ALMS1: variants seen among roughly 807,000 people sequenced by gnomAD.
ALMS1 encodes centrosome-associated protein ALMS1.
A neutral mutation model predicts 352.2 loss-of-function variants in ALMS1; 271 were observed. The observed-to-expected ratio is 0.77, with a 90% CI of 0.70 to 0.85. The LOEUF (loss-of-function observed/expected upper bound fraction) is 0.85, where lower values mean the gene tolerates loss of function less well. ALMS1 is among the 40% of genes least tolerant of loss of function. ALMS1 has a pLI of 0.00. For synonymous variants in ALMS1, 1,865 were observed against 1,761.2 expected (o/e 1.06, Z -1.48); for missense variants, 5,445 against 4,870.7 (o/e 1.12, Z -3.51).
At chr2:73,607,321 AT>A (rs1675837855) in intron 21 of ALMS1, among the ~76,000 whole-genome samples, 1 of 152,226 alleles carries the variant, frequency 6.6e-6, no homozygotes, top group Non-Finnish European at 1.5e-5. Context: ...ATTATACTTC[AT>A]AATCTATTTA....
At chr2:73,565,709 C>T (rs1012219883) in intron 15 of ALMS1, among the ~76,000 whole-genome samples, 1 of 152,144 alleles carries the variant, frequency 6.6e-6, no homozygotes, top group Non-Finnish European at 1.5e-5. Context: ...ATAGTATGTA[C>T]CCTTAATATG....
At position 73,496,769 on chromosome 2, in the gene ALMS1, T is replaced by C. The variant is rs542791526; in HGVS notation, c.9539+5271T>C. 5.9e-5 allele frequency among the ~76,000 whole-genome samples: 9 copies of C among 152,310 alleles called. No individual in the cohort carries two copies. In the East Asian group the frequency reaches 1.5e-3, roughly 26 times the overall value. The stretch of plus-strand genomic sequence containing the variant: ...TAAATTGTCAATATATTTTAGCCAT[T>C]TTTATAGTTGTACAGTGGTATCTCA... On this transcript the variant is annotated intron_variant, in intron 10 of 22. Coordinates refer to ENST00000613296, the MANE Select transcript of ALMS1 (RefSeq NM_001378454.1).
chr2:73,463,150 A>G (rs1672245387), intron 9 of ALMS1, among the ~76,000 whole-genome samples: 1 of 152,222 alleles, frequency 6.6e-6, no homozygotes, highest in South Asian at 2.1e-4. Flanking sequence ...TCAACAGAAC[A>G]TACATTTTTC....
intron 16 of ALMS1, among the ~76,000 whole-genome samples, chr2:73,574,903 C>G (rs1675020840): frequency 6.6e-6 from 1 of 152,118 alleles, no homozygotes; most frequent in Non-Finnish European, 1.5e-5. Flanking sequence ...AAACCCTGTA[C>G]CCATTAAGCA....
At chr2:73,445,698 T>C (rs567546235) in intron 7 of ALMS1, among the ~76,000 whole-genome samples, 1 of 152,212 alleles carries the variant, frequency 6.6e-6, no homozygotes, top group South Asian at 2.1e-4. Flanking sequence ...AGTTCTTGAG[T>C]AAATTGTACC....
intron 10 of ALMS1, among the ~76,000 whole-genome samples, chr2:73,510,077 A>T (rs6708766): frequency 0.32 from 48,605 of 151,930 alleles, 9,919 homozygotes; most frequent in African/African-American, 0.59. Flanking sequence ...CAGGTCATTT[A>T]TGTTCATCTC....
chr2:73,486,992 C>T (rs1672862428), intron 9 of ALMS1, among the ~76,000 whole-genome samples: 1 of 152,138 alleles, frequency 6.6e-6, no homozygotes. Context: ...GAGGTCGTGG[C>T]TTCAGTGATA....
intron 10 of ALMS1, among the ~76,000 whole-genome samples, chr2:73,504,734 T>C (rs1673285429): frequency 6.6e-6 from 1 of 151,316 alleles, no homozygotes; most frequent in African/African-American, 2.5e-5. Context: ...AACATTCATG[T>C]ACTTTTTTTT....
chr2:73,487,729 G>A (rs555269353), intron 9 of ALMS1, among the ~76,000 whole-genome samples: 5 of 152,210 alleles, frequency 3.3e-5, no homozygotes. Context: ...AAGATGGAGA[G>A]GAGTTTCATC....
At chr2:73,481,174 T>C (rs964477837) in intron 9 of ALMS1, among the ~76,000 whole-genome samples, 2 of 152,242 alleles carry the variant, frequency 1.3e-5, no homozygotes, top group African/African-American at 2.4e-5. Flanking sequence ...TGAATGGTAA[T>C]GCCTAGGTTT....
At chr2:73,566,254 G>A (rs1005147047) in intron 15 of ALMS1, among the ~76,000 whole-genome samples, 7 of 152,306 alleles carry the variant, frequency 4.6e-5, no homozygotes, top group African/African-American at 1.7e-4. Context: ...ACACTTTACA[G>A]CTTCTCTTTG....
In ALMS1 at chr2:73,451,415, C is replaced by T. The variant is rs974309886; in HGVS notation, c.4888C>T (p.Gln1630Ter). The change falls in exon 8 of 23, where the codon CAG becomes TAG. Residue 1630 changes from glutamine (Q) to a stop codon, truncating the protein, a stop_gained. Coordinates refer to ENST00000613296, the MANE Select transcript of ALMS1 (RefSeq NM_001378454.1). LOFTEE classifies it high-confidence loss of function. ...LGEKPITFYRQALLDSPLNKE... is the reference protein window; with the variant it reads ...LGEKPITFYR ...AGAGAAGCCCATTACTTTCTACCGG[C>T]AGGCTCTGCTAGACAGTCCTCTAAA... 2 of 1,613,962 alleles carry T rather than the reference C, an allele frequency of 1.2e-6. No individual in the cohort carries two copies. The highest frequency in any genetic ancestry group is 1.3e-5 in the African/African-American group (1 of 74,978).
In ALMS1 at chr2:73,462,588, C is replaced by T. The variant is rs569944562; in HGVS notation, c.7674+7293C>T. Among the ~76,000 whole-genome samples the T allele has an allele frequency of 5.9e-3, 893 of 152,156 alleles. 11 individuals carry two copies. Among genetic ancestry groups the T allele is most frequent in the African/African-American group, 0.021 (857 of 41,502 alleles). ...ACCAGCTAACATCATAATGACAGGA[C>T]CACATTCACACATAACAATATTAAC... On this transcript the variant is annotated intron_variant, in intron 9 of 22. Coordinates refer to ENST00000613296, the MANE Select transcript of ALMS1 (RefSeq NM_001378454.1).
At chr2:73,442,167 A>G (rs1472071852) in intron 7 of ALMS1, among the ~76,000 whole-genome samples, 1 of 152,168 alleles carries the variant, frequency 6.6e-6, no homozygotes, top group Non-Finnish European at 1.5e-5. Flanking sequence ...CTGAAAAACC[A>G]CAATCCAGAA....
intron 1 of ALMS1, among the ~76,000 whole-genome samples, chr2:73,404,142 A>G (rs1336867696): frequency 2.0e-5 from 3 of 152,098 alleles, no homozygotes; most frequent in Admixed American, 6.5e-5. Context: ...CAAGTGATCC[A>G]CCCGCCTTGG....
intron 16 of ALMS1, among the ~76,000 whole-genome samples, chr2:73,588,287 C>T (rs1166124022): frequency 6.6e-6 from 1 of 151,598 alleles, no homozygotes. Context: ...GCAGTCCAGG[C>T]CCTCTTCTCT....
chr2:73,481,659 A>G (rs943740996), intron 9 of ALMS1, among the ~76,000 whole-genome samples: 5 of 150,236 alleles, frequency 3.3e-5, no homozygotes, highest in Non-Finnish European at 7.4e-5. Flanking sequence ...TCTGTAAGTT[A>G]CCTTGGGCCG....
chr2:73,571,501 A>G (rs1196807137), intron 15 of ALMS1, among the ~76,000 whole-genome samples: 9 of 152,154 alleles, frequency 5.9e-5, no homozygotes, highest in Non-Finnish European at 8.8e-5. Flanking sequence ...AAGGCCAAAC[A>G]GGAGCCTTCA....
chr2:73,487,221 A>G (rs1372711402), intron 9 of ALMS1, among the ~76,000 whole-genome samples: 6 of 152,074 alleles, frequency 3.9e-5, no homozygotes, highest in Non-Finnish European at 5.9e-5. Flanking sequence ...CTACTATGCT[A>G]TGTCTTACAC....
Sources: gnomAD v4.1 joint callset for allele counts (sites outside exome capture counted in the v4.1 genomes callset) on GRCh38, gnomAD v4.1.1 for gene constraint, MANE v1.5 for transcripts, NCBI Gene and HGNC (gene_info 2026-07-23, HGNC 2026-07-21) for gene names.